Variants in MMP23B observed in about 807,000 individuals in gnomAD.
MMP23B encodes matrix metalloproteinase-23.
MMP23B carries 8 observed loss-of-function variants against 17.3 expected under a neutral mutation model. That is an observed-to-expected ratio of 0.46 (90% CI 0.27 to 0.83). The LOEUF (loss-of-function observed/expected upper bound fraction) is 0.83. Among genes scored for constraint, MMP23B ranks in the 40% least tolerant of loss-of-function variants. The pLI is 0.14. For missense variants in MMP23B, 154 were observed against 246.2 expected (o/e 0.63, Z 2.51); for synonymous variants, 86 against 116.5 (o/e 0.74, Z 1.69).
chr1:1,634,429 G>A, intron 7 of MMP23B, 22 bp from the exon 8 acceptor site: 1 of 1,380,336 alleles, frequency 7.2e-7, no homozygotes, highest in Admixed American at 2.1e-5. Flanking sequence ...GTGCCTGCAG[G>A]AGACGCCCCG....
chr1:1,632,407 T>TA, intron 1 of MMP23B, 33 bp downstream of exon 1: 2 of 1,363,534 alleles, frequency 1.5e-6, no homozygotes, highest in East Asian at 2.9e-5. Flanking sequence ...GGTGCCGGGT[T>TA]GGGGGGGTCC....
At chr1:1,632,678 C>T (rs1396080085) in intron 1 of MMP23B, 105 bp from the exon 2 acceptor site, 4 of 319,688 alleles carry the variant, frequency 1.3e-5, no homozygotes, top group Admixed American at 6.0e-5. Context: ...CCGCTCCCAG[C>T]CCTGGGCACC....
In MMP23B at chr1:1,632,372, C is replaced by A; in HGVS notation, c.154C>A (p.Gln52Lys). 7.2e-7 allele frequency: 1 copy of A among 1,386,346 alleles called. No individual in the cohort carries two copies. Among genetic ancestry groups the A allele is most frequent in the Non-Finnish European group, 9.3e-7 (1 of 1,079,726 alleles). 85.9% of individuals were successfully genotyped at this position (1,386,346 alleles called of 1,614,324 possible). A position where few individuals can be genotyped will look rare whatever the true frequency, so the allele number is the denominator to read the frequency against. ...APAVPAWSAA[Q>K]GDVAALGLSA... Reference sequence around the variant, plus strand: ...GGCGGTGCCGGCCTGGAGCGCAGCGCAGGTGAGCGGCGGGGGGGAGGCCAG... The same window carrying A: ...GGCGGTGCCGGCCTGGAGCGCAGCGAAGGTGAGCGGCGGGGGGGAGGCCAG... The change falls in exon 1 of 8, where the codon CAG becomes AAG. Residue 52 changes from glutamine to lysine, a missense_variant and splice_region_variant. Physicochemically the swap from Gln to Lys is moderately conservative, Grantham distance 53. Transcript: ENST00000356026.
intron 1 of MMP23B, 68 bp from the exon 2 acceptor site, chr1:1,632,715 T>A (rs1042386876): frequency 3.8e-6 from 1 of 262,078 alleles, no homozygotes. Flanking sequence ...TCCAGTCCAT[T>A]TTCCGCGGCA....
Position 1,632,810 on chromosome 1 carries a change from G to C in MMP23B, c.184G>C (p.Ala62Pro), listed in dbSNP as rs1639044278. 5.3e-6 allele frequency: 1 copy of C among 190,186 alleles called. No individual in the cohort carries two copies. The highest frequency in any genetic ancestry group is 1.7e-4 in the African/African-American group (1 of 5,890). The allele number at this position is 190,186 out of a possible 1,614,324, so 11.8% of individuals were successfully genotyped here. A position where few individuals can be genotyped will look rare whatever the true frequency, so the allele number is the denominator to read the frequency against. ...AGACGTCGCTGCGCTGGGCCTCTCG[G>C]CGGTCCCCCCCACCCGGGTCCCGGG... ...QGDVAALGLS[A>P]VPPTRVPGPL... The change falls in exon 2 of 8, where the codon GCG becomes CCG. Residue 62 changes from alanine to proline, a missense_variant. By Grantham distance (27) the Ala-to-Pro change is conservative (BLOSUM62 -1). This residue lies in a region of MMP23B where 0 missense variants were observed against 20.9 expected (regional missense o/e 0.00). Coordinates refer to ENST00000356026, the MANE Select transcript of MMP23B (RefSeq NM_006983.2).
chr1:1,632,432 C>G (rs1419189062), intron 1 of MMP23B, 58 bp downstream of exon 1: 1 of 1,315,606 alleles, frequency 7.6e-7, no homozygotes, highest in Non-Finnish European at 1.0e-6. Flanking sequence ...GTCTGTGGGT[C>G]TGGTCTATCG....
At position 1,632,402 on chromosome 1, in the gene MMP23B, C is replaced by T. The variant is rs1003291821; in HGVS notation, c.156+28C>T. On this transcript the variant is annotated intron_variant, in intron 1 of 7. Coordinates refer to ENST00000356026, the MANE Select transcript of MMP23B (RefSeq NM_006983.2). ...GAGCGGCGGGGGGGAGGCCAGGTGCCGGGTTGGGGGGGTCCTCACGTCTGT... is the reference window on the plus strand; with the variant it reads ...GAGCGGCGGGGGGGAGGCCAGGTGCTGGGTTGGGGGGGTCCTCACGTCTGT... The T allele has an allele frequency of 1.8e-5, 25 of 1,369,756 alleles. No individual in the cohort carries two copies. In the African/African-American group the frequency reaches 3.7e-4, roughly 20 times the overall value. 84.9% of individuals were successfully genotyped at this position (1,369,756 alleles called of 1,614,324 possible). A position where few individuals can be genotyped will look rare whatever the true frequency, so the allele number is the denominator to read the frequency against.
Position 1,632,346 on chromosome 1 carries a change from C to G in MMP23B, c.128C>G (p.Pro43Arg). The G allele has an allele frequency of 7.2e-7, 1 of 1,395,178 alleles. No individual in the cohort carries two copies. The highest frequency in any genetic ancestry group is 9.2e-7 in the Non-Finnish European group (1 of 1,084,788). The allele number at this position is 1,395,178 out of a possible 1,614,324, so 86.4% of individuals were successfully genotyped here. A position where few individuals can be genotyped will look rare whatever the true frequency, so the allele number is the denominator to read the frequency against. Residue 43 changes from proline to arginine, a missense_variant, in exon 1 of 8, where the codon CCG becomes CGG. Transcript: ENST00000356026. ...GTGCTGCTGGCCCGGCTGGGGGCCC[C>G]GGCGGTGCCGGCCTGGAGCGCAGCG... is the stretch of plus-strand genomic sequence containing the variant. ...ALVLLARLGA[P>R]AVPAWSAAQG...
Position 1,634,289 on chromosome 1 carries a change from G to C in MMP23B, c.959G>C (p.Arg320Pro). 1 of 606,706 alleles carries C rather than the reference G, an allele frequency of 1.6e-6. No individual in the cohort carries two copies. The highest frequency in any genetic ancestry group is 2.7e-6 in the Non-Finnish European group (1 of 366,326). 37.6% of individuals were successfully genotyped at this position (606,706 alleles called of 1,614,324 possible). ...LVPEGRNVTF[R>P]CGQKILHKKG... ...CCCGAGGGCAGGAACGTGACCTTCC[G>C]CTGCGGCCAGAAGATCCTCCACAAG... Residue 320 changes from arginine to proline, a missense_variant, in exon 7 of 8, where the codon CGC (arginine) becomes CCC (proline). Transcript: ENST00000356026.
At position 1,632,379 on chromosome 1, in the gene MMP23B, G is replaced by C; in HGVS notation, c.156+5G>C. ...CCGGCCTGGAGCGCAGCGCAGGTGA[G>C]CGGCGGGGGGGAGGCCAGGTGCCGG... is the stretch of plus-strand genomic sequence containing the variant. On this transcript the variant is annotated splice_donor_5th_base_variant and intron_variant, in intron 1 of 7. Transcript: ENST00000356026. 2 of 1,382,848 alleles carry C rather than the reference G, an allele frequency of 1.4e-6. No homozygotes were observed. Among genetic ancestry groups the C allele is most frequent in the Non-Finnish European group, 1.9e-6 (2 of 1,076,400 alleles). 85.7% of individuals were successfully genotyped at this position (1,382,848 alleles called of 1,614,324 possible). A position where few individuals can be genotyped will look rare whatever the true frequency, so the allele number is the denominator to read the frequency against.
chr1:1,632,575 C>T (rs961635870), intron 1 of MMP23B: 2 of 432,894 alleles, frequency 4.6e-6, no homozygotes, highest in Admixed American at 4.5e-5. Flanking sequence ...CTGTTCAGCC[C>T]CTTCCCCTCC....
chr1:1,632,360 T>C lies in MMP23B; in HGVS notation c.142T>C (p.Trp48Arg), dbSNP rs1218813628. 3.6e-6 allele frequency: 5 copies of C among 1,384,802 alleles called. No homozygotes were observed. Among genetic ancestry groups the C allele is most frequent in the Non-Finnish European group, 4.6e-6 (5 of 1,081,084 alleles). The allele number at this position is 1,384,802 out of a possible 1,614,324, so 85.8% of individuals were successfully genotyped here. A position where few individuals can be genotyped will look rare whatever the true frequency, so the allele number is the denominator to read the frequency against. The stretch of plus-strand genomic sequence containing the variant: ...GCTGGGGGCCCCGGCGGTGCCGGCC[T>C]GGAGCGCAGCGCAGGTGAGCGGCGG... Reference protein sequence around the residue: ...ARLGAPAVPAWSAAQGDVAAL... With the variant: ...ARLGAPAVPARSAAQGDVAAL... The change falls in exon 1 of 8, where the codon TGG becomes CGG. Residue 48 changes from tryptophan (W) to arginine (R), a missense_variant. This residue lies in a region of MMP23B where 129 missense variants were observed against 83.5 expected (regional missense o/e 1.54). Transcript: ENST00000356026.
Position 1,634,495 on chromosome 1 carries a change from A to G in MMP23B, c.1043A>G (p.Tyr348Cys), listed in dbSNP as rs1323523250. 8.6e-7 allele frequency: 1 copy of G among 1,162,448 alleles called. No homozygotes were observed. The highest frequency in any genetic ancestry group is 1.5e-5 in the African/African-American group (1 of 64,934). 72.0% of individuals were successfully genotyped at this position (1,162,448 alleles called of 1,614,324 possible). A position where few individuals can be genotyped will look rare whatever the true frequency, so the allele number is the denominator to read the frequency against. ...QEPLEFSYPG[Y>C]LALGEAHLSI... ...CCCCTGGAGTTCTCCTACCCCGGCTACCTGGCCCTGGGCGAGGCGCACCTG... is the reference window on the plus strand; with the variant it reads ...CCCCTGGAGTTCTCCTACCCCGGCTGCCTGGCCCTGGGCGAGGCGCACCTG... Residue 348 changes from tyrosine (Y) to cysteine (C), a missense_variant, in exon 8 of 8, where the codon TAC (tyrosine) becomes TGC (cysteine). Tyr to Cys is a radical substitution (Grantham distance 194). Transcript: ENST00000356026.
At position 1,633,997 on chromosome 1, in the gene MMP23B, G is replaced by C; in HGVS notation, c.769G>C (p.Asp257His). The C allele has an allele frequency of 2.2e-6, 3 of 1,352,072 alleles. 1 individual carries two copies. The highest frequency in any genetic ancestry group is 4.6e-5 in the African/African-American group (2 of 43,630). 83.8% of individuals were successfully genotyped at this position (1,352,072 alleles called of 1,614,324 possible). Residue 257 changes from aspartate (D) to histidine (H), a missense_variant, in exon 6 of 8, where the codon GAC becomes CAC. Transcript: ENST00000356026. Reference protein sequence around the residue: ...WGLHRLYGCLDRLFVCASWAR... With the variant: ...WGLHRLYGCLHRLFVCASWAR... The stretch of plus-strand genomic sequence containing the variant: ...CCCCACGCTCCCGATAGGATGCCTC[G>C]ACAGGCTGTTCGTGTGCGCGTCCTG...
In MMP23B at chr1:1,632,306, C is replaced by A. The variant is rs1271541366; in HGVS notation, c.88C>A (p.Leu30Ile). The A allele has an allele frequency of 1.4e-6, 2 of 1,432,000 alleles. No individual in the cohort carries two copies. Among genetic ancestry groups the A allele is most frequent in the African/African-American group, 1.5e-5 (1 of 66,810 alleles). The allele number at this position is 1,432,000 out of a possible 1,614,324, so 88.7% of individuals were successfully genotyped here. A position where few individuals can be genotyped will look rare whatever the true frequency, so the allele number is the denominator to read the frequency against. The change falls in exon 1 of 8, where the codon CTC (leucine) becomes ATC (isoleucine). Residue 30 changes from leucine to isoleucine, a missense_variant. Coordinates refer to ENST00000356026, the MANE Select transcript of MMP23B (RefSeq NM_006983.2). The part of the protein sequence containing the change: ...WLGAALVALC[L>I]LPALVLLARL... ...TGGAGCCGCGCTGGTCGCCCTGTGC[C>A]TCCTCCCCGCGCTGGTGCTGCTGGC...
At chr1:1,632,410 G>A (rs1557645068) in intron 1 of MMP23B, 36 bp downstream of exon 1, 5 of 1,367,654 alleles carry the variant, frequency 3.7e-6, no homozygotes, top group Non-Finnish European at 4.7e-6. Context: ...GCCGGGTTGG[G>A]GGGGTCCTCA....
At position 1,632,441 on chromosome 1, in the gene MMP23B, C is replaced by T. The variant is rs546652888; in HGVS notation, c.156+67C>T. The T allele has an allele frequency of 4.4e-4, 558 of 1,262,374 alleles. 5 individuals are homozygous for T. The African/African-American group carries it at 7.1e-3, about 16-fold the overall frequency. 78.2% of individuals were successfully genotyped at this position (1,262,374 alleles called of 1,614,324 possible). On this transcript the variant is annotated intron_variant, in intron 1 of 7. Coordinates refer to ENST00000356026, the MANE Select transcript of MMP23B (RefSeq NM_006983.2). Reference sequence around the variant, plus strand: ...CCTCACGTCTGTGGGTCTGGTCTATCGGGGGGCCCGCAGGACGTGTGCGGG... The same window carrying T: ...CCTCACGTCTGTGGGTCTGGTCTATTGGGGGGCCCGCAGGACGTGTGCGGG...
Position 1,633,031 on chromosome 1 carries a change from C to T in MMP23B, c.338C>T (p.Ala113Val). 1.3e-4 allele frequency: 1 copy of T among 7,702 alleles called. No homozygotes were observed. The highest frequency in any genetic ancestry group is 1.9e-4 in the Non-Finnish European group (1 of 5,138). 0.5% of individuals were successfully genotyped at this position (7,702 alleles called of 1,614,324 possible). Residue 113 changes from alanine (A) to valine (V), a missense_variant, in exon 3 of 8, where the codon GCC becomes GTC. By Grantham distance (64) the Ala-to-Val change is moderately conservative (BLOSUM62 0). This residue lies in a region of MMP23B where 0 missense variants were observed against 20.9 expected (regional missense o/e 0.00). Coordinates refer to ENST00000356026, the MANE Select transcript of MMP23B (RefSeq NM_006983.2). ...CTGAGCCCGCGGGAGACGCGGCGGG[C>T]CCTAGCTGCCGCCTTCCGCATGTGG... ...NLLSPRETRR[A>V]LAAAFRMWSD...
chr1:1,632,378 A>G lies in MMP23B; in HGVS notation c.156+4A>G. 7.3e-7 allele frequency: 1 copy of G among 1,377,770 alleles called. No homozygotes were observed. Among genetic ancestry groups the G allele is most frequent in the Admixed American group, 3.5e-5 (1 of 28,348 alleles). The allele number at this position is 1,377,770 out of a possible 1,614,324, so 85.3% of individuals were successfully genotyped here. A position where few individuals can be genotyped will look rare whatever the true frequency, so the allele number is the denominator to read the frequency against. On this transcript the variant is annotated splice_donor_region_variant and intron_variant, in intron 1 of 7. Coordinates refer to ENST00000356026, the MANE Select transcript of MMP23B (RefSeq NM_006983.2). ...GCCGGCCTGGAGCGCAGCGCAGGTG[A>G]GCGGCGGGGGGGAGGCCAGGTGCCG...
Sources: allele counts gnomAD v4.1 joint callset, GRCh38; gene constraint gnomAD v4.1.1; regional missense constraint gnomAD v4.1.1; transcripts MANE v1.5; gene names NCBI Gene and HGNC (gene_info 2026-07-23, HGNC 2026-07-21).